Variants in RPS15A observed in about 807,000 individuals in gnomAD.
RPS15A encodes ribosomal protein S15a.
For missense variants in RPS15A, 62 were observed against 163.4 expected (o/e 0.38, Z 3.38); for synonymous variants, 55 against 58.5 (o/e 0.94, Z 0.27).
At chr16:18,783,166 G>T in intron 4 of RPS15A, 64 bp from the exon 5 acceptor site, 1 of 1,054,728 alleles carries the variant, frequency 9.5e-7, no homozygotes, top group South Asian at 1.3e-5. Context: ...TTCTAGTGCA[G>T]AAAAACATCA....
intron 3 of RPS15A, chr16:18,785,991 C>T (rs962169133): frequency 2.0e-5 from 3 of 152,306 alleles, no homozygotes; most frequent in African/African-American, 7.2e-5. Context: ...TACCTTACTT[C>T]CAAGCTCAAT....
rs953700589 is a variant in RPS15A at position 18,781,521 on chromosome 16, T to C, written c.*1488A>G. The C allele has an allele frequency of 2.0e-5, 3 of 151,626 alleles. No individual in the cohort carries two copies. The highest frequency in any genetic ancestry group is 4.4e-5 in the Non-Finnish European group (3 of 67,914). The allele number at this position is 151,626 out of a possible 1,614,324, so 9.4% of individuals were successfully genotyped here. A position where few individuals can be genotyped will look rare whatever the true frequency, so the allele number is the denominator to read the frequency against. The stretch of plus-strand genomic sequence containing the variant: ...TGTCCCCATGCTTGTGACTGTCATG[T>C]GCCAAGTGCGCTTTACACAATCTCA... On this transcript the variant is annotated 3_prime_UTR_variant, in exon 5 of 5. Transcript: ENST00000322989.
At position 18,782,797 on chromosome 16, in the gene RPS15A, G is replaced by A; in HGVS notation, c.*212C>T. The A allele has an allele frequency of 2.1e-6, 1 of 466,806 alleles. No individual in the cohort carries two copies. Among genetic ancestry groups the A allele is most frequent in the South Asian group, 3.5e-5 (1 of 28,388 alleles). The allele number at this position is 466,806 out of a possible 1,614,324, so 28.9% of individuals were successfully genotyped here. A position where few individuals can be genotyped will look rare whatever the true frequency, so the allele number is the denominator to read the frequency against. ...GTCAAATACCTGGTTTTGGCAGACAGCAGGGGTGACTGTTTCTTAGGCATA... is the reference window on the plus strand; with the variant it reads ...GTCAAATACCTGGTTTTGGCAGACAACAGGGGTGACTGTTTCTTAGGCATA... On this transcript the variant is annotated 3_prime_UTR_variant, in exon 5 of 5. Transcript: ENST00000322989.
intron 4 of RPS15A, chr16:18,783,476 G>A (rs1903996688): frequency 2.8e-6 from 1 of 359,238 alleles, no homozygotes; most frequent in East Asian, 7.1e-5. Flanking sequence ...GCCATGTACT[G>A]TATAATAGCT....
intron 4 of RPS15A, 46 bp from the exon 5 acceptor site, chr16:18,783,148 A>G (rs903707882): frequency 7.9e-7 from 1 of 1,273,072 alleles, no homozygotes; most frequent in Non-Finnish European, 1.1e-6. Flanking sequence ...ATAGTTCAAC[A>G]TAGTGCCTTC....
chr16:18,788,510 G>A, intron 2 of RPS15A: 2 of 202,270 alleles, frequency 9.9e-6, no homozygotes, highest in South Asian at 8.4e-5. Context: ...TTTTTTTTGA[G>A]ATGGAGTCTT....
Position 18,789,011 on chromosome 16 carries a change from C to T in RPS15A, c.103G>A (p.Val35Ile), listed in dbSNP as rs754605913. 1.3e-5 allele frequency: 21 copies of T among 1,613,840 alleles called. No homozygotes were observed. Among genetic ancestry groups the T allele is most frequent in the Non-Finnish European group, 1.8e-5 (21 of 1,179,958 alleles). Reference sequence around the variant, plus strand: ...TTCATCATCACAGTGAGAAACCGGACGATGACTTTGGAGCACGGCCTAATA... The same window carrying T: ...TTCATCATCACAGTGAGAAACCGGATGATGACTTTGGAGCACGGCCTAATA... ...VLIRPCSKVI[V>I]RFLTVMMKHG... Residue 35 changes from valine (V) to isoleucine (I), a missense_variant, in exon 2 of 5, where the codon GTC (valine) becomes ATC (isoleucine). Transcript: ENST00000322989.
chr16:18,786,018 G>A (rs1904042450), intron 3 of RPS15A: 1 of 152,646 alleles, frequency 6.6e-6, no homozygotes, highest in South Asian at 2.0e-4. Flanking sequence ...GCTAAGGGTA[G>A]GTCCATGTCT....
chr16:18,789,213 C>A (rs1397748159), intron 1 of RPS15A, 95 bp from the exon 2 acceptor site: 19 of 1,308,136 alleles, frequency 1.5e-5, no homozygotes, highest in Admixed American at 2.5e-5. Context: ...TCCTTTCTGG[C>A]CCCACCTTGG....
intron 2 of RPS15A, chr16:18,788,641 A>T (rs879258109): frequency 6.6e-5 from 14 of 211,220 alleles, no homozygotes; most frequent in Non-Finnish European, 1.1e-4. Context: ...GGCGCCTGCC[A>T]CCACGACCGG....
chr16:18,787,249 C>T (rs1418754637), intron 3 of RPS15A, among the ~76,000 whole-genome samples: 3 of 152,192 alleles, frequency 2.0e-5, no homozygotes, highest in African/African-American at 7.2e-5. Flanking sequence ...ACAGGGGTGT[C>T]CAAGGGAGAG....
In RPS15A at chr16:18,788,482, G is replaced by A. The variant is rs567784634; in HGVS notation, c.134-340C>T. Reference sequence around the variant, plus strand: ...AAAGAGCTCTGAGAAGATCTCAAGAGTCCTTTCTTTCTTTTTTTTTTTTTT... The same window carrying A: ...AAAGAGCTCTGAGAAGATCTCAAGAATCCTTTCTTTCTTTTTTTTTTTTTT... On this transcript the variant is annotated intron_variant, in intron 2 of 4. Transcript: ENST00000322989. 4.1e-5 allele frequency: 10 copies of A among 246,474 alleles called. 1 individual carries two copies. In the South Asian group the frequency reaches 6.9e-4, roughly 17 times the overall value. 15.3% of individuals were successfully genotyped at this position (246,474 alleles called of 1,614,324 possible).
chr16:18,783,453 G>C (rs547826466), intron 4 of RPS15A: 2 of 338,606 alleles, frequency 5.9e-6, no homozygotes, highest in South Asian at 5.2e-5. Context: ...ACTTGAGTTT[G>C]AATTGTGTTT....
At chr16:18,783,253 T>C (rs139525598) in intron 4 of RPS15A, 151 bp from the exon 5 acceptor site, 2 of 591,228 alleles carry the variant, frequency 3.4e-6, no homozygotes, top group East Asian at 2.8e-5. Flanking sequence ...TGGTGCCTCA[T>C]GTAGCGTATG....
intron 2 of RPS15A, 78 bp downstream of exon 2, chr16:18,788,903 C>T: frequency 1.4e-6 from 2 of 1,461,890 alleles, no homozygotes; most frequent in South Asian, 1.3e-5. Flanking sequence ...ACTTTGGTCC[C>T]CCATAATTAA....
intron 4 of RPS15A, chr16:18,783,504 C>T (rs576601248): frequency 1.2e-4 from 44 of 366,734 alleles, no homozygotes; most frequent in African/African-American, 8.9e-4. Flanking sequence ...TATATGGAGA[C>T]GTTCATTTGT....
intron 3 of RPS15A, chr16:18,786,210 CA>C: frequency 4.6e-6 from 1 of 217,460 alleles, no homozygotes; most frequent in East Asian, 1.7e-4. Flanking sequence ...ACCAAAGATA[CA>C]AAAATTAGCC....
At chr16:18,789,308 G>C (rs906476860) in intron 1 of RPS15A, among the ~76,000 whole-genome samples, 190 bp from the exon 2 acceptor site, 3 of 152,226 alleles carry the variant, frequency 2.0e-5, no homozygotes, top group Admixed American at 6.5e-5. Flanking sequence ...GTTGAAAACA[G>C]GTTATCGGGA....
At chr16:18,785,613 A>G (rs1291958276) in intron 3 of RPS15A, 1 of 152,262 alleles carries the variant, frequency 6.6e-6, no homozygotes. Flanking sequence ...AAAAGCAGAG[A>G]TTGACCCACA....
Sources: gnomAD v4.1 joint callset for allele counts (sites outside exome capture counted in the v4.1 genomes callset) on GRCh38, gnomAD v4.1.1 for gene constraint, MANE v1.5 for transcripts, NCBI Gene and HGNC (gene_info 2026-07-23, HGNC 2026-07-21) for gene names.